SLC4A10: variants seen among roughly 807,000 people sequenced by gnomAD.
SLC4A10 encodes sodium-driven chloride bicarbonate exchanger.
SLC4A10 carries 42 observed loss-of-function variants against 137.7 expected under a neutral mutation model. The observed-to-expected ratio is 0.30, with a 90% confidence interval of 0.24 to 0.39. The LOEUF is 0.39. Among genes scored for constraint, SLC4A10 ranks in the 10% least tolerant of loss-of-function variants. The pLI, the probability that SLC4A10 is intolerant of heterozygous loss-of-function variation, is 1.00. For missense variants in SLC4A10, 925 were observed against 1,355.0 expected, an observed-to-expected ratio of 0.68 and a Z score of 4.98; for synonymous variants, 474 against 464.1, an observed-to-expected ratio of 1.02 and a Z score of -0.27.
chr2:161,896,392 T>C lies in SLC4A10; in HGVS notation c.1341+1567T>C, dbSNP rs531391722. Among the ~76,000 whole-genome samples, 265 of 152,230 alleles carry C rather than the reference T, an allele frequency of 1.7e-3. 1 individual carries two copies. Among genetic ancestry groups the C allele is most frequent in the Middle Eastern group, 6.8e-3 (2 of 294 alleles). On this transcript the variant is annotated intron_variant, in intron 11 of 26. Coordinates refer to ENST00000446997, the MANE Select transcript of SLC4A10 (RefSeq NM_001178015.2). Reference sequence around the variant, plus strand: ...TTTTGGCTTAGGATTGACTTGGTGATGCAGGCTCTTTTTTAGTTCCATATG... The same window carrying C: ...TTTTGGCTTAGGATTGACTTGGTGACGCAGGCTCTTTTTTAGTTCCATATG...
At chr2:161,893,532 C>G (rs1231249114) in intron 10 of SLC4A10, among the ~76,000 whole-genome samples, 1 of 151,954 alleles carries the variant, frequency 6.6e-6, no homozygotes, top group Non-Finnish European at 1.5e-5. Context: ...TCTGTCTCTA[C>G]AAGAAATTTT....
chr2:161,820,832 G>A (rs2057553804), intron 3 of SLC4A10, among the ~76,000 whole-genome samples: 2 of 152,138 alleles, frequency 1.3e-5, no homozygotes, highest in Admixed American at 1.3e-4. Context: ...CATAGGACAT[G>A]CATATTTTCA....
chr2:161,728,313 G>A (rs1343414918), intron 1 of SLC4A10, among the ~76,000 whole-genome samples: 5 of 152,148 alleles, frequency 3.3e-5, no homozygotes, highest in East Asian at 1.9e-4. Context: ...GGTGGCTCAC[G>A]CCTGTAATCC....
intron 1 of SLC4A10, among the ~76,000 whole-genome samples, chr2:161,725,949 T>C (rs1459574699): frequency 6.6e-6 from 1 of 152,250 alleles, no homozygotes; most frequent in Non-Finnish European, 1.5e-5. Flanking sequence ...AAAGCACACA[T>C]ACTTGCACGT....
At chr2:161,672,758 A>G (rs1574259907) in intron 1 of SLC4A10, among the ~76,000 whole-genome samples, 2 of 152,312 alleles carry the variant, frequency 1.3e-5, no homozygotes, top group Admixed American at 6.5e-5. Flanking sequence ...GTCAGTATTA[A>G]ATCCCAATGC....
chr2:161,967,947 T>C (rs1171078183), intron 23 of SLC4A10, among the ~76,000 whole-genome samples: 1 of 151,920 alleles, frequency 6.6e-6, no homozygotes, highest in Non-Finnish European at 1.5e-5. Context: ...TCTGCTTTTT[T>C]TTGTTAACTG....
Position 161,950,842 on chromosome 2 carries a change from G to A in SLC4A10, c.2535G>A (p.Lys845=). ...TAVIINRKEH[K]LKKGCGYHLD... ...TCATCATCAACAGGAAAGAGCATAAGCTAAAGGTATATTTTAACATCCATT... is the reference window on the plus strand; with the variant it reads ...TCATCATCAACAGGAAAGAGCATAAACTAAAGGTATATTTTAACATCCATT... The change falls in exon 19 of 27, where the codon AAG becomes AAA. Residue 845 remains lysine, a synonymous_variant. Coordinates refer to ENST00000446997, the MANE Select transcript of SLC4A10 (RefSeq NM_001178015.2). The A allele has an allele frequency of 1.3e-6, 2 of 1,593,644 alleles. No individual in the cohort carries two copies. Among genetic ancestry groups the A allele is most frequent in the Non-Finnish European group, 8.5e-7 (1 of 1,169,928 alleles).
chr2:161,928,409 T>C (rs1447923969), intron 15 of SLC4A10, among the ~76,000 whole-genome samples: 5 of 144,588 alleles, frequency 3.5e-5, no homozygotes, highest in African/African-American at 1.0e-4. Flanking sequence ...CTTTAGGAGA[T>C]ATACCTAATG....
At chr2:161,965,246 A>T in intron 23 of SLC4A10, 73 bp downstream of exon 23, 1 of 1,456,820 alleles carries the variant, frequency 6.9e-7, no homozygotes, top group Non-Finnish European at 9.2e-7. Flanking sequence ...AAACTAAATT[A>T]TTGTTTTTAT....
At chr2:161,922,890 C>T (rs551332141) in intron 15 of SLC4A10, among the ~76,000 whole-genome samples, 2 of 152,120 alleles carry the variant, frequency 1.3e-5, no homozygotes, top group African/African-American at 2.4e-5. Flanking sequence ...GGGAGATAAT[C>T]AAGTCAATAA....
In SLC4A10 at chr2:161,865,452, C is replaced by A. The variant is rs182138688; in HGVS notation, c.766+2390C>A. ...CAATCAGCCTTTATCTGAACACATA[C>A]AAATCTTTTCGAGGCATACGTAAGG... On this transcript the variant is annotated intron_variant, in intron 6 of 26. Coordinates refer to ENST00000446997, the MANE Select transcript of SLC4A10 (RefSeq NM_001178015.2). Among the ~76,000 whole-genome samples the A allele has an allele frequency of 3.0e-3, 457 of 152,070 alleles. 3 individuals carry two copies. The highest frequency in any genetic ancestry group is 6.8e-3 in the Middle Eastern group (2 of 292).
chr2:161,974,287 A>C lies in SLC4A10; in HGVS notation c.3198A>C (p.Thr1066=). 5.6e-6 allele frequency: 9 copies of C among 1,608,278 alleles called. No homozygotes were observed. The highest frequency in any genetic ancestry group is 7.6e-6 in the Non-Finnish European group (9 of 1,177,574). The change falls in exon 24 of 27, where the codon ACA becomes ACC. Residue 1066 remains threonine (T), a synonymous_variant. Transcript: ENST00000446997. ...TGCTAGCTATGGAAGATGAGGGCAC[A>C]GTACAACTCCCATTGGAAGGGCACT... ...QSMLAMEDEG[T]VQLPLEGHYR...
rs998095902 is a variant in SLC4A10 at position 161,856,903 on chromosome 2, G to A, written c.577+1773G>A. ...TTCTGCCGCTTAAATCGATGATGGC[G>A]CTACCTTTAAAAATAGATTAATCCA... On this transcript the variant is annotated intron_variant, in intron 5 of 26. Coordinates refer to ENST00000446997, the MANE Select transcript of SLC4A10 (RefSeq NM_001178015.2). Among the ~76,000 whole-genome samples the A allele has an allele frequency of 1.9e-3, 286 of 152,248 alleles. 3 individuals are homozygous for A. Among genetic ancestry groups the A allele is most frequent in the Non-Finnish European group, 2.4e-4 (16 of 67,998 alleles).
intron 1 of SLC4A10, among the ~76,000 whole-genome samples, chr2:161,719,994 C>T (rs1218881561): frequency 1.3e-5 from 2 of 152,124 alleles, no homozygotes; most frequent in Admixed American, 6.5e-5. Flanking sequence ...AATGGTAATG[C>T]CTAGGTTTTC....
chr2:161,876,759 C>CA (rs1362985627), intron 8 of SLC4A10, among the ~76,000 whole-genome samples: 2 of 151,988 alleles, frequency 1.3e-5, no homozygotes, highest in African/African-American at 4.8e-5. Context: ...TACACAAACA[C>CA]AAAATATAGG....
chr2:161,657,278 T>C (rs910197736), intron 1 of SLC4A10, among the ~76,000 whole-genome samples: 11 of 152,148 alleles, frequency 7.2e-5, no homozygotes, highest in Admixed American at 6.5e-4. Context: ...TGCATGGCTT[T>C]TGTGGGGATC....
intron 1 of SLC4A10, among the ~76,000 whole-genome samples, chr2:161,690,971 GA>G (rs1376397023): frequency 1.3e-5 from 2 of 151,880 alleles, no homozygotes; most frequent in East Asian, 1.9e-4. Context: ...TTAAAAAAAA[GA>G]AATTTGAAAG....
At chr2:161,793,056 G>A (rs2054375464) in intron 2 of SLC4A10, among the ~76,000 whole-genome samples, 1 of 151,876 alleles carries the variant, frequency 6.6e-6, no homozygotes, top group East Asian at 1.9e-4. Flanking sequence ...ATTCCATTTT[G>A]GAATATCAGT....
Position 161,763,716 on chromosome 2 carries a change from C to G in SLC4A10, c.49-7257C>G, listed in dbSNP as rs752421407. On this transcript the variant is annotated intron_variant, in intron 1 of 26. Transcript: ENST00000446997. ...CCAGGGTCCAACCCTCTGGCATGGT[C>G]TCTTCATGGCTGAACTTAACCAGAA... is the stretch of plus-strand genomic sequence containing the variant. Among the ~76,000 whole-genome samples, 7 of 152,136 alleles carry G rather than the reference C, an allele frequency of 4.6e-5. 1 individual carries two copies. The highest frequency in any genetic ancestry group is 1.3e-4 in the Admixed American group (2 of 15,252).
Sources: allele counts gnomAD v4.1 joint callset (sites outside exome capture counted in the v4.1 genomes callset), GRCh38; gene constraint gnomAD v4.1.1; transcripts MANE v1.5; gene names NCBI Gene and HGNC (gene_info 2026-07-23, HGNC 2026-07-21).